The following KCNIP1 variants were observed in gnomAD, a reference collection of about 807,000 sequenced individuals.
The protein encoded by KCNIP1 is potassium voltage-gated channel interacting protein 1.
In KCNIP1, 18 loss-of-function variants were observed where a neutral mutation model predicts 33.0. The ratio of observed to expected loss-of-function variants is 0.55; its 90% confidence interval spans 0.38 to 0.81. The LOEUF (loss-of-function observed/expected upper bound fraction) is 0.81, where lower values mean the gene tolerates loss of function less well. KCNIP1 is among the 30% of genes least tolerant of loss of function. KCNIP1 has a pLI of 0.00. For synonymous variants in KCNIP1, 93 were observed against 98.3 expected (o/e 0.95, Z 0.32); for missense variants, 238 against 271.6 (o/e 0.88, Z 0.87).
chr5:170,551,325 A>G (rs76145946), intron 1 of KCNIP1, among the ~76,000 whole-genome samples: 1,719 of 152,292 alleles, frequency 0.011, 33 homozygotes, highest in African/African-American at 0.039. Flanking sequence ...TTATTATCTG[A>G]GTCTGTGGTG....
At chr5:170,453,399 A>G (rs1434153978) in intron 1 of KCNIP1, among the ~76,000 whole-genome samples, 1 of 152,198 alleles carries the variant, frequency 6.6e-6, no homozygotes, top group East Asian at 1.9e-4. Context: ...CAGCCACCAT[A>G]CCACCAAAGA....
intron 1 of KCNIP1, among the ~76,000 whole-genome samples, chr5:170,530,112 T>C (rs773083393): frequency 7.9e-5 from 12 of 152,244 alleles, no homozygotes; most frequent in Non-Finnish European, 1.3e-4. Context: ...GGGCAGAGAC[T>C]AAATTTATTG....
intron 1 of KCNIP1, among the ~76,000 whole-genome samples, chr5:170,468,391 T>G (rs995418524): frequency 7.9e-5 from 12 of 152,192 alleles, no homozygotes; most frequent in African/African-American, 2.7e-4. Flanking sequence ...TTGTTAAAAT[T>G]TGCTAGACCT....
chr5:170,418,472 C>T (rs972627461), intron 1 of KCNIP1, among the ~76,000 whole-genome samples: 1 of 152,164 alleles, frequency 6.6e-6, no homozygotes. Context: ...TTCTCCAGCC[C>T]TTGCCTCCTC....
intron 1 of KCNIP1, among the ~76,000 whole-genome samples, chr5:170,636,620 C>A (rs1275292678): frequency 6.6e-6 from 1 of 152,204 alleles, no homozygotes; most frequent in African/African-American, 2.4e-5. Context: ...CCATCCTGGA[C>A]TTATCCCTGT....
intron 1 of KCNIP1, among the ~76,000 whole-genome samples, chr5:170,390,517 A>AAAAAAAAAAAAATATATATATATATATAT: frequency 2.7e-5 from 2 of 74,534 alleles, no homozygotes; most frequent in Admixed American, 1.5e-4. Flanking sequence ...AAAAAAAACA[A>AAAAAAAAAAAAATATATATATATATATAT]ATATATATAT....
At position 170,686,978 on chromosome 5, in the gene KCNIP1, C is replaced by T. The variant is rs113570396; in HGVS notation, c.62-31780C>T. Reference sequence around the variant, plus strand: ...AGCCCCAAACCTCTCTCCTGATCCACGGTACTCCTCCTGGGATGTCCACTG... The same window carrying T: ...AGCCCCAAACCTCTCTCCTGATCCATGGTACTCCTCCTGGGATGTCCACTG... On this transcript the variant is annotated intron_variant, in intron 1 of 7. Transcript: ENST00000328939. Among the ~76,000 whole-genome samples, 518 of 152,124 alleles carry T rather than the reference C, an allele frequency of 3.4e-3. 3 individuals are homozygous for T. The highest frequency in any genetic ancestry group is 0.012 in the African/African-American group (488 of 41,476).
intron 1 of KCNIP1, among the ~76,000 whole-genome samples, chr5:170,488,578 A>C (rs575303784): frequency 2.6e-5 from 4 of 152,266 alleles, no homozygotes; most frequent in Non-Finnish European, 5.9e-5. Flanking sequence ...TAGTGTATGC[A>C]TCTACAAGGT....
At chr5:170,405,899 T>C (rs562688026) in intron 1 of KCNIP1, among the ~76,000 whole-genome samples, 1 of 152,284 alleles carries the variant, frequency 6.6e-6, no homozygotes, top group Non-Finnish European at 1.5e-5. Context: ...CATGTGATTC[T>C]CATGGAAACC....
chr5:170,502,518 C>G (rs976671463), upstream of KCNIP1, among the ~76,000 whole-genome samples: 1 of 152,040 alleles, frequency 6.6e-6, no homozygotes, highest in African/African-American at 2.4e-5. Flanking sequence ...GCTGTGTGTG[C>G]GTCTGCATGC....
chr5:170,654,870 C>T (rs1305115860), intron 1 of KCNIP1, among the ~76,000 whole-genome samples: 4 of 152,146 alleles, frequency 2.6e-5, no homozygotes, highest in Non-Finnish European at 5.9e-5. Flanking sequence ...GTTAAGCTAA[C>T]GTAAGTCTGT....
chr5:170,610,232 C>G (rs1257678625), intron 1 of KCNIP1, among the ~76,000 whole-genome samples: 1 of 152,170 alleles, frequency 6.6e-6, no homozygotes, highest in Non-Finnish European at 1.5e-5. Flanking sequence ...GGAGTACGAA[C>G]CACTTATGTT....
exon 1 of KCNIP1, chr5:170,353,698 T>C (rs1581100699): frequency 1.6e-6 from 1 of 620,034 alleles, no homozygotes; most frequent in Non-Finnish European, 2.8e-6. Flanking sequence ...GCAGGCTCTC[T>C]GGATGCAGAA....
intron 1 of KCNIP1, among the ~76,000 whole-genome samples, chr5:170,435,269 T>C (rs984394774): frequency 1.3e-5 from 2 of 152,230 alleles, no homozygotes; most frequent in Non-Finnish European, 2.9e-5. Context: ...CCTGTACTTC[T>C]TTGCAGGCCG....
chr5:170,453,907 T>C (rs1292080181), intron 1 of KCNIP1, among the ~76,000 whole-genome samples: 1 of 152,194 alleles, frequency 6.6e-6, no homozygotes, highest in Non-Finnish European at 1.5e-5. Flanking sequence ...AGGCTGGAAC[T>C]AGATTCTCCC....
At chr5:170,735,690 C>T (rs761297153) in intron 7 of KCNIP1, 69 bp from the exon 8 acceptor site, 2 of 1,353,074 alleles carry the variant, frequency 1.5e-6, no homozygotes, top group Middle Eastern at 1.8e-4. Flanking sequence ...GACATTTGCT[C>T]ACCAGAGTTA....
At position 170,735,673 on chromosome 5, in the gene KCNIP1, C is replaced by A; in HGVS notation, c.604-86C>A. Reference sequence around the variant, plus strand: ...TAGAGTTTTCTCCATATAGGAAACCCATGCTTGACATTTGCTCACCAGAGT... The same window carrying A: ...TAGAGTTTTCTCCATATAGGAAACCAATGCTTGACATTTGCTCACCAGAGT... On this transcript the variant is annotated intron_variant, in intron 7 of 7. Transcript: ENST00000328939. The A allele has an allele frequency of 1.0e-5, 12 of 1,157,460 alleles. No individual in the cohort carries two copies. The South Asian group carries it at 1.2e-4, about 12-fold the overall frequency. 71.7% of individuals were successfully genotyped at this position (1,157,460 alleles called of 1,614,324 possible).
chr5:170,680,320 G>A (rs969081067), intron 1 of KCNIP1, among the ~76,000 whole-genome samples: 6 of 152,114 alleles, frequency 3.9e-5, no homozygotes, highest in Admixed American at 6.6e-5. Context: ...CCCCCACAGA[G>A]CCCAAAAGTT....
intron 1 of KCNIP1, among the ~76,000 whole-genome samples, chr5:170,714,297 G>A (rs1371116029): frequency 2.0e-5 from 3 of 152,212 alleles, no homozygotes; most frequent in Non-Finnish European, 4.4e-5. Context: ...GAGGAAAGCA[G>A]AATCCACTGT....
Sources: allele counts gnomAD v4.1 joint callset (sites outside exome capture counted in the v4.1 genomes callset), GRCh38; gene constraint gnomAD v4.1.1; transcripts MANE v1.5; gene names NCBI Gene and HGNC (gene_info 2026-07-23, HGNC 2026-07-21).